GLI2: variants seen among roughly 807,000 people sequenced by gnomAD.
The protein encoded by GLI2 is GLI family zinc finger 2, also known as transcription activator GLI2.
A neutral mutation model predicts 78.9 loss-of-function variants in GLI2; 22 were observed. That is an observed-to-expected ratio of 0.28 (90% CI 0.20 to 0.40). The LOEUF (loss-of-function observed/expected upper bound fraction) is 0.40. GLI2 is among the 10% of genes least tolerant of loss of function. GLI2 has a pLI of 1.00. For missense variants in GLI2, 2,097 were observed against 2,213.2 expected (o/e 0.95, Z 1.05); for synonymous variants, 974 against 963.7 (o/e 1.01, Z -0.20).
At chr2:120,978,995 G>A (rs929375972) in intron 10 of GLI2, among the ~76,000 whole-genome samples, 1 of 152,050 alleles carries the variant, frequency 6.6e-6, no homozygotes, top group Admixed American at 6.6e-5. Context: ...ATGGTTGAGG[G>A]TTTTTTTGTT....
intron 9 of GLI2, 34 bp from the exon 10 acceptor site, chr2:120,978,400 T>C (rs1259203507): frequency 1.2e-6 from 2 of 1,613,656 alleles, no homozygotes; most frequent in Admixed American, 3.3e-5. Flanking sequence ...CCTCTGGCCC[T>C]GCTTACCCTC....
intron 3 of GLI2, among the ~76,000 whole-genome samples, chr2:120,933,898 C>T (rs1300164534): frequency 6.8e-6 from 1 of 147,070 alleles, no homozygotes; most frequent in African/African-American, 2.4e-5. Flanking sequence ...CCTGGGGCTT[C>T]AGAGAAGACC....
intron 2 of GLI2, among the ~76,000 whole-genome samples, chr2:120,852,541 A>AG (rs1390662061): frequency 6.6e-6 from 1 of 152,216 alleles, no homozygotes; most frequent in Non-Finnish European, 1.5e-5. Flanking sequence ...GATGGCATCC[A>AG]GGACCAGTGC....
At chr2:120,943,861 C>G (rs1191673670) in intron 3 of GLI2, among the ~76,000 whole-genome samples, 1 of 152,198 alleles carries the variant, frequency 6.6e-6, no homozygotes, top group Non-Finnish European at 1.5e-5. Flanking sequence ...CAAGCAGGCA[C>G]CGAGGCTGGG....
chr2:120,778,575 T>C (rs1449956913), intron 1 of GLI2, among the ~76,000 whole-genome samples: 1 of 152,140 alleles, frequency 6.6e-6, no homozygotes, highest in East Asian at 1.9e-4. Flanking sequence ...CAGGCAGAGC[T>C]TCAGATTCCA....
chr2:120,854,013 AC>A (rs1355488841), intron 2 of GLI2, among the ~76,000 whole-genome samples: 15 of 148,872 alleles, frequency 1.0e-4, no homozygotes, highest in African/African-American at 3.8e-4. Context: ...CCTTCATTCT[AC>A]CAGCATTTAT....
At chr2:120,758,896 T>C (rs974253387) in intron 1 of GLI2, among the ~76,000 whole-genome samples, 1 of 152,090 alleles carries the variant, frequency 6.6e-6, no homozygotes, top group African/African-American at 2.4e-5. Context: ...TCCAGGGACA[T>C]ACAGCCTGAT....
intron 1 of GLI2, among the ~76,000 whole-genome samples, chr2:120,760,368 T>C (rs908814199): frequency 1.3e-5 from 2 of 152,114 alleles, no homozygotes; most frequent in African/African-American, 4.8e-5. Flanking sequence ...CGCTGTGCTT[T>C]TGAGGGAAAA....
intron 1 of GLI2, among the ~76,000 whole-genome samples, chr2:120,759,024 C>T (rs1056533226): frequency 1.3e-5 from 2 of 152,184 alleles, no homozygotes; most frequent in Non-Finnish European, 2.9e-5. Context: ...CTCCCCCACC[C>T]CCACACTGGC....
rs1371056165 is a variant in GLI2 at position 120,799,596 on chromosome 2, C to T, written c.148+2128C>T. Among the ~76,000 whole-genome samples the T allele has an allele frequency of 3.3e-5, 5 of 152,212 alleles. No individual in the cohort carries two copies. The South Asian group carries it at 1.0e-3, about 31-fold the overall frequency. On this transcript the variant is annotated intron_variant, in intron 2 of 13. Transcript: ENST00000361492. ...CAAGTCTCCTAGTGCTGGTAAAATG[C>T]GACGGCTGCATTCGTGGATGGGATG... is the stretch of plus-strand genomic sequence containing the variant.
At chr2:120,755,233 T>C (rs1217314800) in intron 1 of GLI2, among the ~76,000 whole-genome samples, 1 of 152,228 alleles carries the variant, frequency 6.6e-6, no homozygotes, top group Non-Finnish European at 1.5e-5. Flanking sequence ...ATTTGAAAGT[T>C]CCATTCCTAC....
chr2:120,908,513 G>C (rs1678655101), intron 2 of GLI2, among the ~76,000 whole-genome samples: 1 of 152,170 alleles, frequency 6.6e-6, no homozygotes, highest in Non-Finnish European at 1.5e-5. Flanking sequence ...ACCTGAAAAG[G>C]GAAAAGAAGC....
chr2:120,773,796 G>T (rs898723055), intron 1 of GLI2, among the ~76,000 whole-genome samples: 68 of 152,118 alleles, frequency 4.5e-4, no homozygotes, highest in African/African-American at 1.6e-3. Context: ...CATGGAGGGG[G>T]AGATGTGCTT....
chr2:120,968,795 G>C lies in GLI2; in HGVS notation c.725G>C (p.Ser242Thr). The C allele has an allele frequency of 1.2e-6, 2 of 1,613,794 alleles. No individual in the cohort carries two copies. The highest frequency in any genetic ancestry group is 2.2e-5 in the South Asian group (2 of 91,070). ...TCCATCTCCCCACTCTCAGACGCCA[G>C]CCTGGACCTGCAGCGGATGATCCGC... ...ALSISPLSDA[S>T]LDLQRMIRTS... Residue 242 changes from serine to threonine, a missense_variant, in exon 6 of 14, where the codon AGC becomes ACC. Transcript: ENST00000361492.
At chr2:120,977,152 G>A (rs1682492528) in intron 9 of GLI2, among the ~76,000 whole-genome samples, 1 of 152,206 alleles carries the variant, frequency 6.6e-6, no homozygotes, top group South Asian at 2.1e-4. Context: ...GGTGCTGCCA[G>A]TGCCTGATGC....
intron 1 of GLI2, among the ~76,000 whole-genome samples, chr2:120,763,039 C>T (rs942220769): frequency 2.0e-5 from 3 of 152,328 alleles, no homozygotes; most frequent in Middle Eastern, 3.4e-3. Context: ...CCCTGGGAGG[C>T]TCTGGAGCCT....
chr2:120,745,977 G>C (rs1257331707), intron 1 of GLI2, among the ~76,000 whole-genome samples: 1 of 152,194 alleles, frequency 6.6e-6, no homozygotes, highest in Non-Finnish European at 1.5e-5. Flanking sequence ...ATCTCCTCTG[G>C]GTCTCTGGTG....
At chr2:120,950,035 A>G (rs914316438) in intron 3 of GLI2, among the ~76,000 whole-genome samples, 12 of 152,224 alleles carry the variant, frequency 7.9e-5, no homozygotes, top group Admixed American at 6.5e-4. Flanking sequence ...GTTAGCCCTC[A>G]AAGTGTGGTT....
chr2:120,757,708 C>A (rs1289252667), intron 1 of GLI2, among the ~76,000 whole-genome samples: 1 of 152,240 alleles, frequency 6.6e-6, no homozygotes, highest in Admixed American at 6.5e-5. Flanking sequence ...TTACCCTGGT[C>A]TCCCTCCTCT....
Sources: allele counts gnomAD v4.1 joint callset (sites outside exome capture counted in the v4.1 genomes callset), GRCh38; gene constraint gnomAD v4.1.1; transcripts MANE v1.5; gene names NCBI Gene and HGNC (gene_info 2026-07-23, HGNC 2026-07-21).